The following RIF1 variants were observed in gnomAD, a reference collection of about 807,000 sequenced individuals.
The protein encoded by RIF1 is telomere-associated protein RIF1.
Under a neutral mutation model 247.1 loss-of-function variants are expected in RIF1, and 45 were observed. The ratio of observed to expected loss-of-function variants is 0.18; its 90% CI spans 0.14 to 0.23. The LOEUF (loss-of-function observed/expected upper bound fraction) is 0.23. RIF1 is among the 10% of genes least tolerant of loss of function. The probability of loss-of-function intolerance (pLI) is 1.00; values close to 1 mark genes in which losing one functional copy is unlikely to be tolerated. For missense variants in RIF1, 2,967 were observed against 2,862.5 expected (o/e 1.04, Z -0.83); for synonymous variants, 1,087 against 978.8 (o/e 1.11, Z -2.06).
At position 151,496,945 on chromosome 2, in the gene RIF1, C is replaced by CTAA. The variant is rs767474018; in HGVS notation, c.*513+1622_*513+1624dup. 4 of 1,572,156 alleles carry CTAA rather than the reference C, an allele frequency of 2.5e-6. No homozygotes were observed. Among genetic ancestry groups the CTAA allele is most frequent in the Non-Finnish European group, 8.6e-7 (1 of 1,156,204 alleles). ...TTTCTTTTCTTGCCCAAGTACCGAG[C>CTAA]TAATATTTTCTTGATTGTGTTTGAC... On this transcript the variant is annotated intron_variant and NMD_transcript_variant, in intron 10 of 13. Transcript: ENST00000454583.
chr2:151,500,081 A>G (rs1344008502), intron 11 of RIF1, among the ~76,000 whole-genome samples: 3 of 152,236 alleles, frequency 2.0e-5, no homozygotes, highest in Non-Finnish European at 2.9e-5. Context: ...GCCTTTCAAT[A>G]AAAGGAATAA....
the RIF1 span, chr2:151,524,656 T>TG: frequency 5.3e-6 from 1 of 187,912 alleles, no homozygotes; most frequent in Admixed American, 1.4e-4. Context: ...GAGAGAGGCT[T>TG]TTTTTTTTTT....
In RIF1 at chr2:151,455,157, A is replaced by C; in HGVS notation, c.2607A>C (p.Ser869=). The change falls in exon 22 of 36, where the codon TCA becomes TCC. Residue 869 remains serine, a splice_region_variant and synonymous_variant. Transcript: ENST00000444746. ...CTCTGGCATTATTTTATGAAAACTCAAAGTAAGTATTTTGGACTAAGTAGC... is the reference window on the plus strand; with the variant it reads ...CTCTGGCATTATTTTATGAAAACTCCAAGTAAGTATTTTGGACTAAGTAGC... The part of the protein sequence containing the change: ...TRPLALFYEN[S]KLDEVPKVYS... 5 of 1,607,342 alleles carry C rather than the reference A, an allele frequency of 3.1e-6. No individual in the cohort carries two copies. The highest frequency in any genetic ancestry group is 4.2e-6 in the Non-Finnish European group (5 of 1,176,568).
At chr2:151,492,330 T>C (rs766362495) in intron 9 of RIF1, 1 of 1,594,416 alleles carries the variant, frequency 6.3e-7, no homozygotes, top group South Asian at 1.1e-5. Flanking sequence ...TGTGACTATA[T>C]CCCTTTTTAC....
downstream of RIF1, among the ~76,000 whole-genome samples, chr2:151,482,953 C>A (rs1423510195): frequency 6.6e-6 from 1 of 152,100 alleles, no homozygotes; most frequent in Non-Finnish European, 1.5e-5. Context: ...ATATGACTTT[C>A]TACCTATGTG....
chr2:151,456,002 T>A (rs550805212), intron 22 of RIF1, among the ~76,000 whole-genome samples: 4 of 152,324 alleles, frequency 2.6e-5, no homozygotes, highest in African/African-American at 9.6e-5. Flanking sequence ...TATACACATT[T>A]ATGTGTCTGA....
intron 15 of RIF1, among the ~76,000 whole-genome samples, chr2:151,440,813 G>A (rs2152375612): frequency 6.6e-6 from 1 of 152,324 alleles, no homozygotes; most frequent in South Asian, 2.1e-4. Flanking sequence ...CATATGTAAA[G>A]AGGGAATGTA....
Position 151,475,066 on chromosome 2 carries a change from A to G in RIF1, c.7414A>G (p.Ile2472Val), listed in dbSNP as rs575034485. 3.9e-5 allele frequency: 63 copies of G among 1,603,018 alleles called. No homozygotes were observed. In the South Asian group the frequency reaches 6.3e-4, roughly 16 times the overall value. ...RWRSPSHENS[I>V] Reference sequence around the variant, plus strand: ...GAGATCACCATCCCATGAAAATTCTATTTAGTATTTTCAGAGAAAATTGAA... The same window carrying G: ...GAGATCACCATCCCATGAAAATTCTGTTTAGTATTTTCAGAGAAAATTGAA... The change falls in exon 36 of 36, where the codon ATT (isoleucine) becomes GTT (valine). Residue 2472 changes from isoleucine to valine, a missense_variant. Coordinates refer to ENST00000444746, the MANE Select transcript of RIF1 (RefSeq NM_018151.5).
rs1454832600 is a variant in RIF1 at position 151,461,137 on chromosome 2, G to C, written c.3076-1G>C. The C allele has an allele frequency of 6.2e-7, 1 of 1,601,758 alleles. No individual in the cohort carries two copies. Among genetic ancestry groups the C allele is most frequent in the Admixed American group, 1.8e-5 (1 of 56,346 alleles). On this transcript the variant is annotated splice_acceptor_variant, in intron 26 of 35. Transcript: ENST00000444746. LOFTEE classifies it high-confidence loss of function. ...ATTTGCTTATTTTTTCAAATCTGCA[G>C]CTGAAACTTGAATCTTCGTCTTTAA...
At position 151,479,702 on chromosome 2, in the gene RIF1, A is replaced by T. The variant is rs1196671150; in HGVS notation, c.*4631A>T. Reference sequence around the variant, plus strand: ...TTGAAAGATGGAGTTGAATAATATGATTCTCGAAAAGTGAGTTTTTCTTGG... The same window carrying T: ...TTGAAAGATGGAGTTGAATAATATGTTTCTCGAAAAGTGAGTTTTTCTTGG... On this transcript the variant is annotated 3_prime_UTR_variant, in exon 36 of 36. Transcript: ENST00000444746. The T allele has an allele frequency of 6.6e-6, 1 of 152,172 alleles. No individual in the cohort carries two copies. Among genetic ancestry groups the T allele is most frequent in the Non-Finnish European group, 1.5e-5 (1 of 68,024 alleles). The allele number at this position is 152,172 out of a possible 1,614,324, so 9.4% of individuals were successfully genotyped here.
chr2:151,513,564 G>T, the RIF1 span: 1 of 1,558,130 alleles, frequency 6.4e-7, no homozygotes, highest in Non-Finnish European at 8.8e-7. Flanking sequence ...GATTGACATC[G>T]AATAGTAGCA....
intron 25 of RIF1, 62 bp downstream of exon 25, chr2:151,458,972 A>G (rs1396263291): frequency 1.0e-6 from 1 of 961,318 alleles, no homozygotes; most frequent in Non-Finnish European, 1.6e-6. Context: ...GTTGAAAGTT[A>G]TAAATAAGTA....
At chr2:151,448,568 A>G (rs557200228) in intron 20 of RIF1, among the ~76,000 whole-genome samples, 2 of 152,268 alleles carry the variant, frequency 1.3e-5, no homozygotes, top group East Asian at 3.9e-4. Context: ...TTGAAGTATT[A>G]TAGTGTTTTG....
intron 6 of RIF1, among the ~76,000 whole-genome samples, chr2:151,417,278 AT>A (rs1687369845): frequency 6.6e-6 from 1 of 152,206 alleles, no homozygotes; most frequent in Non-Finnish European, 1.5e-5. Context: ...TACCTTCTTC[AT>A]TTTTGTTGTA....
chr2:151,532,119 C>G, the RIF1 span: 2 of 395,662 alleles, frequency 5.1e-6, no homozygotes, highest in East Asian at 9.8e-5. Flanking sequence ...CCCTCCGAGA[C>G]GGAGTCTTAC....
chr2:151,469,802 C>T lies in RIF1; in HGVS notation c.7033C>T (p.Pro2345Ser). 1 of 1,611,916 alleles carries T rather than the reference C, an allele frequency of 6.2e-7. No homozygotes were observed. The highest frequency in any genetic ancestry group is 8.5e-7 in the Non-Finnish European group (1 of 1,178,672). ...TLTASEIKTL[P>S]IRSPKVSNVK... ...TACAGCATCTGAAATAAAAACTCTT[C>T]CTATCCGTTCTCCAAAAGTGTCCAA... The change falls in exon 34 of 36, where the codon CCT becomes TCT. Residue 2345 changes from proline (P) to serine (S), a missense_variant. Coordinates refer to ENST00000444746, the MANE Select transcript of RIF1 (RefSeq NM_018151.5).
chr2:151,415,560 T>C (rs1687053202), intron 4 of RIF1, among the ~76,000 whole-genome samples: 1 of 12,338 alleles, frequency 8.1e-5, no homozygotes, highest in African/African-American at 1.9e-4. Context: ...TGGGACTCTG[T>C]CTCAAAAAAA....
At chr2:151,416,746 A>G (rs1687280016) in intron 5 of RIF1, 58 bp downstream of exon 5, 7 of 1,601,304 alleles carry the variant, frequency 4.4e-6, no homozygotes, top group South Asian at 1.1e-5. Context: ...AGAAAAAACT[A>G]TAATGCCAAT....
chr2:151,484,740 GTAGCACCATT>G (rs2049412792), downstream of RIF1, among the ~76,000 whole-genome samples: 1 of 152,238 alleles, frequency 6.6e-6, no homozygotes, highest in South Asian at 2.1e-4. Flanking sequence ...GAGCAGGAGA[GTAGCACCATT>G]TGGCACCATT....
Sources: allele counts gnomAD v4.1 joint callset (sites outside exome capture counted in the v4.1 genomes callset), GRCh38; gene constraint gnomAD v4.1.1; transcripts MANE v1.5; gene names NCBI Gene and HGNC (gene_info 2026-07-23, HGNC 2026-07-21).